The following QSOX1 variants were observed in gnomAD, a reference collection of about 807,000 sequenced individuals.
QSOX1 encodes the protein quiescin sulfhydryl oxidase 1.
Under a neutral mutation model 76.1 loss-of-function variants are expected in QSOX1, and 40 were observed. The observed-to-expected ratio is 0.53, with a 90% confidence interval of 0.41 to 0.68. The LOEUF (loss-of-function observed/expected upper bound fraction) is 0.68. Among genes scored for constraint, QSOX1 ranks in the 30% least tolerant of loss-of-function variants. The probability of loss-of-function intolerance (pLI) is 0.00; values close to 1 mark genes in which losing one functional copy is unlikely to be tolerated. For synonymous variants in QSOX1, 392 were observed against 413.1 expected (o/e 0.95, Z 0.62); for missense variants, 931 against 974.3 (o/e 0.96, Z 0.59).
At chr1:180,158,912 T>A (rs1319810296) in intron 1 of QSOX1, among the ~76,000 whole-genome samples, 1 of 152,180 alleles carries the variant, frequency 6.6e-6, no homozygotes, top group East Asian at 1.9e-4. Flanking sequence ...CCCTCGCTGA[T>A]CCAGGAGGAA....
chr1:180,190,347 T>G, intron 9 of QSOX1, 86 bp from the exon 10 acceptor site: 1 of 1,458,698 alleles, frequency 6.9e-7, no homozygotes, highest in South Asian at 1.2e-5. Context: ...TCATTTGTCT[T>G]AGGGCTGTCT....
chr1:180,181,115 A>C (rs1331265361), intron 5 of QSOX1, among the ~76,000 whole-genome samples: 1 of 152,176 alleles, frequency 6.6e-6, no homozygotes, highest in Admixed American at 6.5e-5. Flanking sequence ...ATCTGTGTGG[A>C]CACTACATAA....
chr1:180,170,318 TCTC>T (rs964413004), intron 2 of QSOX1, among the ~76,000 whole-genome samples: 6 of 152,116 alleles, frequency 3.9e-5, no homozygotes, highest in African/African-American at 1.4e-4. Flanking sequence ...TTTGAGGTCT[TCTC>T]CATGGATAAT....
rs1019928035 is a variant in QSOX1 at position 180,174,373 on chromosome 1, A to G, written c.367-948A>G. On this transcript the variant is annotated intron_variant, in intron 2 of 11. Transcript: ENST00000367602. ...GTCATGTACATGGGAAAAGAGGACA[A>G]AGTGGTGAGTTAAATCAGCTAGTCT... 2.0e-5 allele frequency among the ~76,000 whole-genome samples: 3 copies of G among 152,346 alleles called. 1 individual carries two copies. Among genetic ancestry groups the G allele is most frequent in the South Asian group, 4.1e-4 (2 of 4,826 alleles).
rs1350658159 is a variant in QSOX1, at chr1:180,196,563, A to G, written c.1770A>G (p.Thr590=). The G allele has an allele frequency of 6.2e-7, 1 of 1,614,004 alleles. No homozygotes were observed. The highest frequency in any genetic ancestry group is 1.7e-5 in the Admixed American group (1 of 60,002). The change falls in exon 12 of 12, where the codon ACA becomes ACG. Residue 590 remains threonine (T), a synonymous_variant. Coordinates refer to ENST00000367602, the MANE Select transcript of QSOX1 (RefSeq NM_002826.5). The surrounding 1 kb of genome is among the most constrained non-coding windows in gnomAD (Gnocchi z 4.1). ...PGKPEMMKSP[T]NTTPHVPAEG... Reference sequence around the variant, plus strand: ...AGCCTGAGATGATGAAGTCCCCCACAAACACCACCCCACATGTGCCGGCTG... The same window carrying G: ...AGCCTGAGATGATGAAGTCCCCCACGAACACCACCCCACATGTGCCGGCTG...
intron 2 of QSOX1, among the ~76,000 whole-genome samples, chr1:180,174,694 A>G (rs549808136): frequency 1.3e-5 from 2 of 152,318 alleles, no homozygotes; most frequent in Non-Finnish European, 2.9e-5. Flanking sequence ...TAGTAATTAC[A>G]TGCTAGGTAC....
Position 180,189,537 on chromosome 1 carries a change from T to A in QSOX1, c.1018-15T>A. The A allele has an allele frequency of 6.5e-7, 1 of 1,533,866 alleles. No homozygotes were observed. Among genetic ancestry groups the A allele is most frequent in the Non-Finnish European group, 8.9e-7 (1 of 1,127,130 alleles). ...TGCTTTTCACTCTCCAGCTTCCGCT[T>A]GTTCCTCCCCACAGTATTTCCCTGG... On this transcript the variant is annotated splice_polypyrimidine_tract_variant and intron_variant, in intron 8 of 11. Coordinates refer to ENST00000367602, the MANE Select transcript of QSOX1 (RefSeq NM_002826.5).
Position 180,155,274 on chromosome 1 carries a change from T to C in QSOX1, c.265+102T>C, listed in dbSNP as rs987459792. 3.6e-6 allele frequency: 4 copies of C among 1,112,336 alleles called. No homozygotes were observed. The African/African-American group carries it at 6.7e-5, about 19-fold the overall frequency. The allele number at this position is 1,112,336 out of a possible 1,614,324, so 68.9% of individuals were successfully genotyped here. A position where few individuals can be genotyped will look rare whatever the true frequency, so the allele number is the denominator to read the frequency against. On this transcript the variant is annotated intron_variant, in intron 1 of 11. Transcript: ENST00000367602. ...CTCCGGGAGCGCGTCCCTCTTCCAG[T>C]CACCTCCGCCCACCTCTTCCTCTCC...
intron 8 of QSOX1, among the ~76,000 whole-genome samples, chr1:180,188,374 G>A (rs1037256690): frequency 2.6e-5 from 4 of 152,242 alleles, no homozygotes; most frequent in South Asian, 2.1e-4. Flanking sequence ...ACTGGGTGGC[G>A]TGTGGGCACC....
intron 4 of QSOX1, among the ~76,000 whole-genome samples, chr1:180,178,518 G>A (rs571188707): frequency 2.0e-5 from 3 of 152,340 alleles, no homozygotes; most frequent in South Asian, 2.1e-4. Context: ...GTGAGCCACC[G>A]CACCCGGCCC....
chr1:180,184,373 C>G (rs1368860169), intron 7 of QSOX1, among the ~76,000 whole-genome samples: 1 of 152,210 alleles, frequency 6.6e-6, no homozygotes, highest in East Asian at 1.9e-4. Flanking sequence ...TCTGAGGCCT[C>G]CAGACCAACT....
intron 1 of QSOX1, among the ~76,000 whole-genome samples, chr1:180,158,257 G>A (rs888604226): frequency 6.6e-6 from 1 of 152,204 alleles, no homozygotes; most frequent in Non-Finnish European, 1.5e-5. Flanking sequence ...AGCATGTGCC[G>A]AGCTATGGAG....
At chr1:180,185,075 G>A (rs115329579) in intron 7 of QSOX1, among the ~76,000 whole-genome samples, 2,387 of 152,256 alleles carry the variant, frequency 0.016, 78 homozygotes, top group African/African-American at 0.054. Flanking sequence ...CTGGAGGCAG[G>A]GCACAGGAAT....
chr1:180,175,464 G>A, intron 3 of QSOX1, 98 bp downstream of exon 3: 1 of 1,335,690 alleles, frequency 7.5e-7, no homozygotes, highest in Non-Finnish European at 1.1e-6. Context: ...CTGGCAGTCG[G>A]CAGGGTCGAG....
intron 1 of QSOX1, among the ~76,000 whole-genome samples, chr1:180,156,695 G>T (rs1427759120): frequency 6.6e-6 from 1 of 152,172 alleles, no homozygotes; most frequent in Non-Finnish European, 1.5e-5. Context: ...AGCTGAACGT[G>T]CCTTTCTGAG....
At position 180,203,003 on chromosome 1, in the gene QSOX1, G is replaced by C. The variant is rs1048358216; in HGVS notation, c.*5966G>C. ...GGAGAATCACTTGAACCTGGGAGGT[G>C]GAGGTTGCAGTGAGCTGAGATCGCG... On this transcript the variant is annotated 3_prime_UTR_variant, in exon 12 of 12. Coordinates refer to ENST00000367602, the MANE Select transcript of QSOX1 (RefSeq NM_002826.5). 4 of 152,224 alleles carry C rather than the reference G, an allele frequency of 2.6e-5. No homozygotes were observed. The highest frequency in any genetic ancestry group is 2.1e-4 in the South Asian group (1 of 4,828). The allele number at this position is 152,224 out of a possible 1,614,324, so 9.4% of individuals were successfully genotyped here.
At chr1:180,156,159 C>CTAAG (rs1287770279) in intron 1 of QSOX1, among the ~76,000 whole-genome samples, 1 of 152,216 alleles carries the variant, frequency 6.6e-6, no homozygotes, top group African/African-American at 2.4e-5. Context: ...AGGCACCTTA[C>CTAAG]TAAGTACTCG....
chr1:180,176,076 T>A (rs1662884977), intron 4 of QSOX1, 43 bp downstream of exon 4: 4 of 1,478,574 alleles, frequency 2.7e-6, no homozygotes, highest in Non-Finnish European at 3.7e-6. Context: ...TGGGCCAGGA[T>A]CCCAGGCCTG....
At position 180,189,746 on chromosome 1, in the gene QSOX1, A is replaced by G. The variant is rs573642300; in HGVS notation, c.1140+72A>G. 18 of 1,509,486 alleles carry G rather than the reference A, an allele frequency of 1.2e-5. No homozygotes were observed. The African/African-American group carries it at 2.4e-4, about 20-fold the overall frequency. The allele number at this position is 1,509,486 out of a possible 1,614,324, so 93.5% of individuals were successfully genotyped here. A position where few individuals can be genotyped will look rare whatever the true frequency, so the allele number is the denominator to read the frequency against. ...GAGAGTGCAAGGGGTTAACCCTGTC[A>G]TTTCTGACCTTCTTCGCCAGTTTGC... On this transcript the variant is annotated intron_variant, in intron 9 of 11. Transcript: ENST00000367602.
Sources: allele counts gnomAD v4.1 joint callset (sites outside exome capture counted in the v4.1 genomes callset), GRCh38; gene constraint gnomAD v4.1.1; non-coding constraint Gnocchi (gnomAD v3.1); transcripts MANE v1.5; gene names NCBI Gene and HGNC (gene_info 2026-07-23, HGNC 2026-07-21).